DDB1: variants seen among roughly 807,000 people sequenced by gnomAD.
The protein encoded by DDB1 is DNA damage-binding protein 1.
In DDB1, 18 loss-of-function variants were observed where a neutral mutation model predicts 133.1. That is an observed-to-expected ratio of 0.14 (90% CI 0.09 to 0.20). The LOEUF is 0.20. Among genes scored for constraint, DDB1 ranks in the 10% least tolerant of loss-of-function variants. The probability of loss-of-function intolerance (pLI) is 1.00; values close to 1 mark genes in which losing one functional copy is unlikely to be tolerated. For missense variants in DDB1, 828 were observed against 1,459.2 expected, an observed-to-expected ratio of 0.57 and a Z score of 7.05; for synonymous variants, 580 against 550.5, an observed-to-expected ratio of 1.05 and a Z score of -0.75.
At chr11:61,307,296 C>T (rs28720343) in intron 21 of DDB1, among the ~76,000 whole-genome samples, 245 of 152,360 alleles carry the variant, frequency 1.6e-3, no homozygotes, top group African/African-American at 5.6e-3. Context: ...TCCTACTCTC[C>T]GCTGAGGCGA....
Position 61,313,914 on chromosome 11 carries a change from A to C in DDB1, c.1809T>G (p.Leu603=). The C allele has an allele frequency of 6.2e-7, 1 of 1,614,184 alleles. No homozygotes were observed. The highest frequency in any genetic ancestry group is 8.5e-7 in the Non-Finnish European group (1 of 1,180,038). Residue 603 remains leucine (L), a synonymous_variant, in exon 15 of 27, where the codon CTT becomes CTG. Transcript: ENST00000301764. The stretch of plus-strand genomic sequence containing the variant: ...AAAGCGCTCCATCTCCCAAGGCACA[A>C]AGGAGGTAATGGCTACTCTCAAAGG... The part of the protein sequence containing the change: ...MTTFESSHYL[L]CALGDGALFY...
At chr11:61,313,821 C>CTA (rs986812830) in intron 15 of DDB1, 41 bp downstream of exon 15, 1 of 1,609,486 alleles carries the variant, frequency 6.2e-7, no homozygotes, top group Admixed American at 1.7e-5. Flanking sequence ...TTCTAATACT[C>CTA]TATTTTTGAA....
In DDB1 at chr11:61,316,998, T is replaced by TGGAC. The variant is rs1343889772; in HGVS notation, c.1226-432_1226-431insGTCC. ...ATATATATATATATATATATATATA[T>TGGAC]AGACATGGCAGCCTGACACCACTGG... On this transcript the variant is annotated intron_variant, in intron 10 of 26. Coordinates refer to ENST00000301764, the MANE Select transcript of DDB1 (RefSeq NM_001923.5). Among the ~76,000 whole-genome samples, 25 of 92,170 alleles carry TGGAC rather than the reference T, an allele frequency of 2.7e-4. 1 individual carries two copies. The highest frequency in any genetic ancestry group is 4.2e-4 in the Non-Finnish European group (18 of 42,458). 60.5% of individuals were successfully genotyped at this position (92,170 alleles called of 152,430 possible). A position where few individuals can be genotyped will look rare whatever the true frequency, so the allele number is the denominator to read the frequency against.
Position 61,331,637 on chromosome 11 carries a change from A to G in DDB1, c.116T>C (p.Leu39Ser). The G allele has an allele frequency of 6.2e-7, 1 of 1,614,062 alleles. No individual in the cohort carries two copies. The highest frequency in any genetic ancestry group is 8.5e-7 in the Non-Finnish European group (1 of 1,180,012). Reference sequence around the variant, plus strand: ...CTCGGCGGTGACCACATAGATCTCTAATCTCGTGTTTTTGGCAATCAACAG... The same window carrying G: ...CTCGGCGGTGACCACATAGATCTCTGATCTCGTGTTTTTGGCAATCAACAG... ...LNLLIAKNTR[L>S]EIYVVTAEGL... The change falls in exon 2 of 27, where the codon TTA becomes TCA. Residue 39 changes from leucine to serine, a missense_variant. Coordinates refer to ENST00000301764, the MANE Select transcript of DDB1 (RefSeq NM_001923.5).
chr11:61,331,447 C>T (rs1243201726), intron 2 of DDB1, 96 bp downstream of exon 2: 4 of 1,480,320 alleles, frequency 2.7e-6, no homozygotes, highest in African/African-American at 1.4e-5. Context: ...GTGAGACCCC[C>T]GTCTCAAAGA....
chr11:61,323,418 TTC>T (rs1590696471), intron 7 of DDB1: 1 of 301,838 alleles, frequency 3.3e-6, no homozygotes, highest in Non-Finnish European at 6.3e-6. Flanking sequence ...TCTTTTTTTT[TTC>T]TTTTTTTGAG....
intron 16 of DDB1, among the ~76,000 whole-genome samples, chr11:61,312,533 G>C (rs1405041168): frequency 7.3e-6 from 1 of 136,062 alleles, no homozygotes; most frequent in Non-Finnish European, 1.5e-5. Flanking sequence ...TTTTGAGACA[G>C]AGTCTCAGCT....
At chr11:61,304,591 G>C (rs1855854670) in intron 21 of DDB1, among the ~76,000 whole-genome samples, 1 of 152,192 alleles carries the variant, frequency 6.6e-6, no homozygotes, top group African/African-American at 2.4e-5. Flanking sequence ...AAGAAACTGT[G>C]CAGCCGGCCG....
intron 10 of DDB1, chr11:61,321,310 T>C (rs1191770230): frequency 4.0e-6 from 1 of 248,006 alleles, no homozygotes; most frequent in Non-Finnish European, 7.6e-6. Flanking sequence ...TTATGAATTC[T>C]ATCGGTTGCC....
At chr11:61,311,501 T>C (rs1038904514) in intron 18 of DDB1, among the ~76,000 whole-genome samples, 2 of 151,572 alleles carry the variant, frequency 1.3e-5, no homozygotes, top group African/African-American at 4.8e-5. Context: ...CCAAACCCCA[T>C]GTTCCTCCTC....
intron 8 of DDB1, 183 bp from the exon 9 acceptor site, chr11:61,322,595 C>A (rs1160348784): frequency 6.8e-6 from 4 of 585,108 alleles, no homozygotes; most frequent in African/African-American, 3.7e-5. Context: ...CACAGGTGAC[C>A]CATTAATCAG....
In DDB1 at chr11:61,333,039, G is replaced by A; in HGVS notation, c.-71C>T. On this transcript the variant is annotated 5_prime_UTR_variant, in exon 1 of 27. Transcript: ENST00000301764. ...AAGAGGGACACAAGCGAAAAGACAG[G>A]TGGCCCCCAACAGCGCGCAGCGAAC... 7 of 1,384,028 alleles carry A rather than the reference G, an allele frequency of 5.1e-6. No individual in the cohort carries two copies. The highest frequency in any genetic ancestry group is 2.7e-5 in the Admixed American group (1 of 37,732). 85.7% of individuals were successfully genotyped at this position (1,384,028 alleles called of 1,614,324 possible).
intron 10 of DDB1, among the ~76,000 whole-genome samples, chr11:61,316,785 G>A (rs1856075377): frequency 6.6e-6 from 1 of 150,988 alleles, no homozygotes; most frequent in Admixed American, 6.6e-5. Flanking sequence ...CTTGCTAGGT[G>A]TGGTGGCACA....
At chr11:61,310,852 G>GT in intron 18 of DDB1, 1 of 155,934 alleles carries the variant, frequency 6.4e-6, no homozygotes, top group African/African-American at 2.4e-5. Flanking sequence ...TGACCAGCTG[G>GT]TATCACCACT....
Position 61,303,999 on chromosome 11 carries a change from G to GC in DDB1, c.2697dup (p.Arg900AlafsTer3). 6.2e-7 allele frequency: 1 copy of GC among 1,614,022 alleles called. No homozygotes were observed. The highest frequency in any genetic ancestry group is 8.5e-7 in the Non-Finnish European group (1 of 1,180,026). ...TTGTTGTAGTGGTTGCACTCAGTGCGCAGCTCCTTCTCTGTTGTCCACTCA... is the reference window on the plus strand; with the variant it reads ...TTGTTGTAGTGGTTGCACTCAGTGCGCCAGCTCCTTCTCTGTTGTCCACTCA... On this transcript the variant is annotated frameshift_variant, in exon 22 of 27. Coordinates refer to ENST00000301764, the MANE Select transcript of DDB1 (RefSeq NM_001923.5). LOFTEE classifies it high-confidence loss of function.
intron 21 of DDB1, among the ~76,000 whole-genome samples, chr11:61,307,683 T>C (rs1855899522): frequency 6.6e-6 from 1 of 152,206 alleles, no homozygotes; most frequent in African/African-American, 2.4e-5. Flanking sequence ...CTGGATTCCA[T>C]ACCTCTCTCA....
chr11:61,312,752 C>T (rs183678806), intron 16 of DDB1, among the ~76,000 whole-genome samples: 80 of 152,176 alleles, frequency 5.3e-4, no homozygotes, highest in Non-Finnish European at 1.0e-3. Context: ...GTGCCTGCCA[C>T]CACACCCGGC....
At chr11:61,315,481 A>C (rs1856048068) in intron 12 of DDB1, 1 of 152,370 alleles carries the variant, frequency 6.6e-6, no homozygotes, top group African/African-American at 2.4e-5. Context: ...GCAAACTGAC[A>C]GAACTTTCCC....
chr11:61,332,785 G>T, intron 1 of DDB1, 123 bp downstream of exon 1: 2 of 849,316 alleles, frequency 2.4e-6, no homozygotes, highest in Non-Finnish European at 1.6e-6. Flanking sequence ...TTCCTCGGCC[G>T]CCAGCGCCTT....
Sources: gnomAD v4.1 joint callset for allele counts (sites outside exome capture counted in the v4.1 genomes callset) on GRCh38, gnomAD v4.1.1 for gene constraint, MANE v1.5 for transcripts, NCBI Gene and HGNC (gene_info 2026-07-23, HGNC 2026-07-21) for gene names.